UBE2G1: variants seen among roughly 807,000 people sequenced by gnomAD.
The protein encoded by UBE2G1 is ubiquitin-conjugating enzyme E2 G1.
A neutral mutation model predicts 22.7 loss-of-function variants in UBE2G1; 5 were observed. That is an observed-to-expected ratio of 0.22 (90% CI 0.12 to 0.46). The LOEUF is 0.46. Among genes scored for constraint, UBE2G1 ranks in the 20% least tolerant of loss-of-function variants. The pLI, the probability that UBE2G1 is intolerant of heterozygous loss-of-function variation, is 0.99. For synonymous variants in UBE2G1, 74 were observed against 67.5 expected, an observed-to-expected ratio of 1.10 and a Z score of -0.47; for missense variants, 88 against 203.9, an observed-to-expected ratio of 0.43 and a Z score of 3.46.
chr17:4,293,415 T>G (rs1969067854), intron 3 of UBE2G1, among the ~76,000 whole-genome samples: 2 of 152,248 alleles, frequency 1.3e-5, no homozygotes, highest in African/African-American at 4.8e-5. Context: ...TGTTTTTCTA[T>G]TTATCAGCTG....
chr17:4,329,228 G>A (rs573945545), intron 1 of UBE2G1, among the ~76,000 whole-genome samples: 4 of 151,216 alleles, frequency 2.6e-5, no homozygotes, highest in East Asian at 3.9e-4. Context: ...GTGAAACCCC[G>A]TCTCTACAAA....
chr17:4,346,831 CCAG>C (rs760504676), intron 1 of UBE2G1, among the ~76,000 whole-genome samples: 10 of 151,906 alleles, frequency 6.6e-5, no homozygotes, highest in Non-Finnish European at 1.2e-4. Flanking sequence ...CTATATATGC[CCAG>C]TATTGTGTTA....
chr17:4,357,879 T>C (rs1969925360), intron 1 of UBE2G1, among the ~76,000 whole-genome samples: 1 of 151,952 alleles, frequency 6.6e-6, no homozygotes, highest in African/African-American at 2.4e-5. Context: ...ACAGGAGGAC[T>C]GCTTGAGCCC....
chr17:4,365,054 A>C (rs139661403), intron 1 of UBE2G1, among the ~76,000 whole-genome samples: 10 of 152,346 alleles, frequency 6.6e-5, no homozygotes, highest in African/African-American at 2.4e-4. Flanking sequence ...AACCCCTGAC[A>C]ACCTTTTCCT....
In UBE2G1 at chr17:4,366,292, G is replaced by A; in HGVS notation, c.25C>T (p.Leu9=). MTELQSAL[L]LRRQLAELNK... ...TCACCTGCCAGCTGTCTTCGCAGTA[G>A]CAGTGCCGACTGCAGCTCCGTCATC... is the stretch of plus-strand genomic sequence containing the variant. Residue 9 remains leucine (L), a synonymous_variant, in exon 1 of 6, where the codon CTA becomes TTA. Transcript: ENST00000396981. The A allele has an allele frequency of 6.4e-7, 1 of 1,555,536 alleles. No individual in the cohort carries two copies.
At chr17:4,322,434 T>C (rs1485439450) in intron 1 of UBE2G1, among the ~76,000 whole-genome samples, 2 of 152,208 alleles carry the variant, frequency 1.3e-5, no homozygotes, top group African/African-American at 4.8e-5. Flanking sequence ...GAGATTATAT[T>C]TCTCTAATTC....
rs548753725 is a variant in UBE2G1 at position 4,327,096 on chromosome 17, G to A, written c.47-19973C>T. ...GGATCACCTGAGTTCAGAAGTTCGA[G>A]GCCAGCCTGACCAACATGGCAAAAC... is the stretch of plus-strand genomic sequence containing the variant. On this transcript the variant is annotated intron_variant, in intron 1 of 5. Transcript: ENST00000396981. 3.3e-5 allele frequency among the ~76,000 whole-genome samples: 5 copies of A among 152,040 alleles called. No homozygotes were observed. In the East Asian group the frequency reaches 9.7e-4, roughly 29 times the overall value.
At position 4,356,049 on chromosome 17, in the gene UBE2G1, TAAAAAAA is replaced by T. The variant is rs746982860; in HGVS notation, c.46+10215_46+10221del. 1.0e-4 allele frequency among the ~76,000 whole-genome samples: 10 copies of T among 99,098 alleles called. 1 individual carries two copies. Among genetic ancestry groups the T allele is most frequent in the African/African-American group, 3.5e-4 (9 of 26,008 alleles). The allele number at this position is 99,098 out of a possible 152,430, so 65.0% of individuals were successfully genotyped here. Reference sequence around the variant, plus strand: ...CTTTCTTAATAAACTTGTTTCACTTTAAAAAAAAAAAAAAAAAAAAAAAAGGCCAGGC... The same window carrying T: ...CTTTCTTAATAAACTTGTTTCACTTTAAAAAAAAAAAAAAAAAGGCCAGGC... On this transcript the variant is annotated intron_variant, in intron 1 of 5. Transcript: ENST00000396981.
intron 4 of UBE2G1, among the ~76,000 whole-genome samples, chr17:4,286,240 A>C (rs1968961316): frequency 6.6e-6 from 1 of 152,026 alleles, no homozygotes; most frequent in African/African-American, 2.4e-5. Context: ...CCCTGTCTCT[A>C]CTAAAACTAC....
At chr17:4,292,545 G>A (rs897243639) in intron 3 of UBE2G1, among the ~76,000 whole-genome samples, 23 of 152,152 alleles carry the variant, frequency 1.5e-4, no homozygotes, top group Admixed American at 1.3e-3. Context: ...CAAGTGGTCT[G>A]GATAGCATAT....
intron 1 of UBE2G1, among the ~76,000 whole-genome samples, chr17:4,318,696 A>T (rs1490668272): frequency 6.6e-6 from 1 of 152,204 alleles, no homozygotes; most frequent in Non-Finnish European, 1.5e-5. Context: ...GTCCCTAATC[A>T]GTTTCCCCTC....
At chr17:4,328,020 C>G (rs1321780770) in intron 1 of UBE2G1, among the ~76,000 whole-genome samples, 2 of 152,028 alleles carry the variant, frequency 1.3e-5, no homozygotes, top group African/African-American at 4.8e-5. Context: ...CCATTTTGGC[C>G]CATGTGCAGT....
intron 1 of UBE2G1, among the ~76,000 whole-genome samples, chr17:4,346,442 T>C (rs1597263760): frequency 6.7e-6 from 1 of 149,514 alleles, no homozygotes; most frequent in South Asian, 2.1e-4. Context: ...TTTTTTTTTT[T>C]TTTTTTTTTT....
At chr17:4,308,984 C>T (rs550896461) in intron 1 of UBE2G1, among the ~76,000 whole-genome samples, 3 of 152,140 alleles carry the variant, frequency 2.0e-5, no homozygotes, top group Non-Finnish European at 4.4e-5. Context: ...TTAGGCAGGG[C>T]GTGGTGGCTC....
chr17:4,269,788 A>G lies in UBE2G1; in HGVS notation c.*2766T>C, dbSNP rs1968730269. 5.4e-6 allele frequency: 1 copy of G among 185,640 alleles called. No homozygotes were observed. The highest frequency in any genetic ancestry group is 1.1e-5 in the Non-Finnish European group (1 of 88,432). The allele number at this position is 185,640 out of a possible 1,614,324, so 11.5% of individuals were successfully genotyped here. ...TTTAGGAAACAGCCAACAGTTCTAC[A>G]ATCCATAAGATCTATGGAGATGTTG... On this transcript the variant is annotated 3_prime_UTR_variant, in exon 6 of 6. Transcript: ENST00000396981.
chr17:4,338,789 A>T (rs1969678736), intron 1 of UBE2G1, among the ~76,000 whole-genome samples: 2 of 152,222 alleles, frequency 1.3e-5, no homozygotes, highest in Non-Finnish European at 2.9e-5. Context: ...GATGCCGATC[A>T]ATCAGAAAAA....
chr17:4,304,948 A>T (rs2143727926), intron 2 of UBE2G1, among the ~76,000 whole-genome samples: 1 of 151,136 alleles, frequency 6.6e-6, no homozygotes, highest in Non-Finnish European at 1.5e-5. Context: ...GAAGTTTTTT[A>T]AGAACTTTTT....
chr17:4,330,110 G>A (rs1969553733), intron 1 of UBE2G1, among the ~76,000 whole-genome samples: 1 of 152,094 alleles, frequency 6.6e-6, no homozygotes, highest in Admixed American at 6.5e-5. Flanking sequence ...AGAGCCATGA[G>A]TCATGCATCT....
At chr17:4,311,035 C>A (rs1234611343) in intron 1 of UBE2G1, among the ~76,000 whole-genome samples, 1 of 151,690 alleles carries the variant, frequency 6.6e-6, no homozygotes, top group Non-Finnish European at 1.5e-5. Context: ...ACATGGCAAA[C>A]CCCTGTCTCT....
Sources: gnomAD v4.1 joint callset for allele counts (sites outside exome capture counted in the v4.1 genomes callset) on GRCh38, gnomAD v4.1.1 for gene constraint, MANE v1.5 for transcripts, NCBI Gene and HGNC (gene_info 2026-07-23, HGNC 2026-07-21) for gene names.